Variants in TRAPPC9 observed in about 807,000 individuals in gnomAD.
TRAPPC9 encodes trafficking protein particle complex subunit 9, also known as IKK2 binding protein.
Under a neutral mutation model 124.0 loss-of-function variants are expected in TRAPPC9, and 83 were observed. That is an observed-to-expected ratio of 0.67 (90% CI 0.56 to 0.80). The LOEUF (loss-of-function observed/expected upper bound fraction) is 0.80. Ranked by LOEUF, TRAPPC9 falls within the 30% of genes least tolerant of loss-of-function variation. TRAPPC9 has a pLI of 0.00. For synonymous variants in TRAPPC9, 638 were observed against 617.5 expected (o/e 1.03, Z -0.49); for missense variants, 1,302 against 1,508.3 (o/e 0.86, Z 2.27).
chr8:140,036,353 G>A (rs964788725), intron 17 of TRAPPC9, among the ~76,000 whole-genome samples: 9 of 152,160 alleles, frequency 5.9e-5, no homozygotes, highest in African/African-American at 1.7e-4. Context: ...TTCGGGGGGT[G>A]GCATGGAGTG....
chr8:140,268,193 C>A (rs4352826), intron 15 of TRAPPC9, among the ~76,000 whole-genome samples: 99 of 151,688 alleles, frequency 6.5e-4, no homozygotes, highest in African/African-American at 1.6e-3. Context: ...CTATAGTTAA[C>A]ATCCACAACC....
intron 5 of TRAPPC9, among the ~76,000 whole-genome samples, chr8:140,424,050 T>C (rs866892011): frequency 9.9e-5 from 15 of 152,148 alleles, no homozygotes; most frequent in Admixed American, 6.6e-4. Context: ...CTAAAACTGA[T>C]TGTGGTGAGG....
chr8:140,394,131 C>A (rs1241060998), intron 7 of TRAPPC9, among the ~76,000 whole-genome samples: 1 of 152,248 alleles, frequency 6.6e-6, no homozygotes, highest in East Asian at 1.9e-4. Context: ...TCTATACCCA[C>A]CAGTGAAAAG....
At chr8:139,998,971 A>G (rs1838219030) in intron 18 of TRAPPC9, among the ~76,000 whole-genome samples, 2 of 152,214 alleles carry the variant, frequency 1.3e-5, no homozygotes, top group Admixed American at 6.5e-5. Context: ...ACACTGAAAC[A>G]GCTCTACAAA....
At chr8:139,817,045 A>AACACACACACACACACACACAC (rs1228353322) in intron 21 of TRAPPC9, among the ~76,000 whole-genome samples, 4,078 of 135,258 alleles carry the variant, frequency 0.03, 135 homozygotes, top group African/African-American at 0.043. Context: ...ACATAAACTA[A>AACACACACACACACACACACAC]ACACACACAC....
At chr8:139,801,023 T>C (rs566116794) in intron 21 of TRAPPC9, among the ~76,000 whole-genome samples, 2 of 139,790 alleles carry the variant, frequency 1.4e-5, no homozygotes, top group African/African-American at 5.5e-5. Context: ...GCATCTTCCC[T>C]CCCTCCGGTA....
intron 15 of TRAPPC9, among the ~76,000 whole-genome samples, chr8:140,256,116 A>G (rs11778176): frequency 0.22 from 33,640 of 152,142 alleles, 4,054 homozygotes; most frequent in African/African-American, 0.31. Flanking sequence ...GGTACAAAAC[A>G]CTGGTCGCTT....
intron 21 of TRAPPC9, among the ~76,000 whole-genome samples, chr8:139,798,679 T>C (rs570157512): frequency 2.0e-5 from 3 of 152,324 alleles, no homozygotes; most frequent in South Asian, 4.2e-4. Context: ...GGTATGCCAG[T>C]GGTTCTCTTC....
intron 15 of TRAPPC9, among the ~76,000 whole-genome samples, chr8:140,261,308 G>A (rs899391560): frequency 1.4e-4 from 22 of 152,214 alleles, no homozygotes; most frequent in African/African-American, 5.3e-4. Flanking sequence ...CGCTATGCTA[G>A]GTTCTGGGGA....
intron 17 of TRAPPC9, among the ~76,000 whole-genome samples, chr8:140,213,008 G>T (rs2063098580): frequency 6.6e-6 from 1 of 151,634 alleles, no homozygotes; most frequent in East Asian, 1.9e-4. Context: ...GGCAGAGGTA[G>T]CAGTGAGCCA....
At chr8:139,979,324 G>A (rs1284919034) in intron 19 of TRAPPC9, among the ~76,000 whole-genome samples, 1 of 152,136 alleles carries the variant, frequency 6.6e-6, no homozygotes, top group Non-Finnish European at 1.5e-5. Context: ...CTGGCCAGAC[G>A]CTGCCACGGA....
chr8:140,234,399 T>C (rs1234708095), intron 16 of TRAPPC9, among the ~76,000 whole-genome samples: 1 of 152,236 alleles, frequency 6.6e-6, no homozygotes, highest in Non-Finnish European at 1.5e-5. Context: ...TGGACAGTAC[T>C]GCACAGGCCA....
At position 139,933,829 on chromosome 8, in the gene TRAPPC9, C is replaced by T. The variant is rs1014299207; in HGVS notation, c.2811-23529G>A. On this transcript the variant is annotated intron_variant, in intron 19 of 22. Transcript: ENST00000438773. Reference sequence around the variant, plus strand: ...GGATTCCAGATCCACCTTACGTAGCCGTGTGAGCTCCGGTAAATTACATAA... The same window carrying T: ...GGATTCCAGATCCACCTTACGTAGCTGTGTGAGCTCCGGTAAATTACATAA... The T allele has an allele frequency of 2.6e-5, 4 of 152,298 alleles. No individual in the cohort carries two copies. The South Asian group carries it at 8.3e-4, about 32-fold the overall frequency. 9.4% of individuals were successfully genotyped at this position (152,298 alleles called of 1,614,324 possible). A position where few individuals can be genotyped will look rare whatever the true frequency, so the allele number is the denominator to read the frequency against.
chr8:140,252,688 A>G lies in TRAPPC9; in HGVS notation c.2431+89T>C. 4.0e-6 allele frequency: 6 copies of G among 1,503,278 alleles called. No individual in the cohort carries two copies. The highest frequency in any genetic ancestry group is 5.5e-6 in the Non-Finnish European group (6 of 1,092,114). The allele number at this position is 1,503,278 out of a possible 1,614,324, so 93.1% of individuals were successfully genotyped here. On this transcript the variant is annotated intron_variant, in intron 16 of 22. Transcript: ENST00000438773. The surrounding 1 kb of genome is among the most constrained non-coding windows in gnomAD (Gnocchi z 4.2). ...AGTTAATGAATGACAAGTGAGTTAC[A>G]AACAGCAAACAGCAGGCATCAAGGG...
intron 21 of TRAPPC9, among the ~76,000 whole-genome samples, chr8:139,749,840 G>A (rs1172547057): frequency 6.6e-6 from 1 of 152,212 alleles, no homozygotes; most frequent in Non-Finnish European, 1.5e-5. Flanking sequence ...GCCCAGTGGA[G>A]AGCACCTCCC....
At chr8:139,737,947 C>G (rs1250184705) in intron 21 of TRAPPC9, among the ~76,000 whole-genome samples, 4 of 152,190 alleles carry the variant, frequency 2.6e-5, no homozygotes, top group Non-Finnish European at 4.4e-5. Flanking sequence ...AGGGCCCTTC[C>G]TCTCCCGCGG....
chr8:140,020,694 T>G (rs1024580991), intron 18 of TRAPPC9, among the ~76,000 whole-genome samples: 18 of 152,248 alleles, frequency 1.2e-4, no homozygotes, highest in African/African-American at 4.3e-4. Context: ...CCAAGTTTTC[T>G]ATATTGTTAC....
At chr8:140,089,939 G>A (rs1844453531) in intron 17 of TRAPPC9, among the ~76,000 whole-genome samples, 1 of 152,154 alleles carries the variant, frequency 6.6e-6, no homozygotes. Flanking sequence ...AAGTAGCTGG[G>A]TGTGGCGGTG....
intron 2 of TRAPPC9, among the ~76,000 whole-genome samples, chr8:140,442,900 C>T (rs775162269): frequency 5.6e-4 from 85 of 151,688 alleles, no homozygotes; most frequent in Non-Finnish European, 1.0e-3. Flanking sequence ...TATGGGAGGC[C>T]GAGGCAGGCG....
Sources: gnomAD v4.1 joint callset for allele counts (sites outside exome capture counted in the v4.1 genomes callset) on GRCh38, gnomAD v4.1.1 for gene constraint, Gnocchi (gnomAD v3.1) non-coding constraint, MANE v1.5 for transcripts, NCBI Gene and HGNC (gene_info 2026-07-23, HGNC 2026-07-21) for gene names.